DLK1: variants seen among roughly 807,000 people sequenced by gnomAD.
DLK1 encodes delta like non-canonical Notch ligand 1.
A neutral mutation model predicts 35.2 loss-of-function variants in DLK1; 9 were observed. That is an observed-to-expected ratio of 0.26 (90% CI 0.15 to 0.45). The LOEUF (loss-of-function observed/expected upper bound fraction) is 0.45, where lower values mean the gene tolerates loss of function less well. Ranked by LOEUF, DLK1 falls within the 20% of genes least tolerant of loss-of-function variation. The probability of loss-of-function intolerance (pLI) is 1.00; values close to 1 mark genes in which losing one functional copy is unlikely to be tolerated. For synonymous variants in DLK1, 231 were observed against 228.4 expected (o/e 1.01, Z -0.10); for missense variants, 522 against 528.5 (o/e 0.99, Z 0.12).
chr14:100,728,840 C>T, intron 2 of DLK1, 96 bp from the exon 3 acceptor site: 2 of 1,515,080 alleles, frequency 1.3e-6, no homozygotes, highest in South Asian at 1.2e-5. Context: ...GTGCAAAGAC[C>T]CCCAAGGGTC....
chr14:100,731,901 T>A (rs1370435778), intron 3 of DLK1, 141 bp from the exon 4 acceptor site: 2 of 1,076,762 alleles, frequency 1.9e-6, no homozygotes, highest in East Asian at 6.0e-5. Flanking sequence ...ACTTCATGGG[T>A]TTTTTTGAGG....
chr14:100,734,055 C>A lies in DLK1; in HGVS notation c.405-94C>A. Reference sequence around the variant, plus strand: ...GTGTTTTAAGCACCTGCCCCTTAGTCAGGCCAGGGACCTTCTGCCCTGAGC... The same window carrying A: ...GTGTTTTAAGCACCTGCCCCTTAGTAAGGCCAGGGACCTTCTGCCCTGAGC... On this transcript the variant is annotated intron_variant, in intron 4 of 4. Coordinates refer to ENST00000341267, the MANE Select transcript of DLK1 (RefSeq NM_003836.7). This position sits in a 1 kb window ranked among gnomAD's most constrained non-coding sequence, Gnocchi z 7.4. 2 of 1,441,546 alleles carry A rather than the reference C, an allele frequency of 1.4e-6. No individual in the cohort carries two copies. Among genetic ancestry groups the A allele is most frequent in the South Asian group, 1.4e-5 (1 of 72,048 alleles). The allele number at this position is 1,441,546 out of a possible 1,614,324, so 89.3% of individuals were successfully genotyped here.
rs753582986 is a variant in DLK1, at chr14:100,732,119, T to C, written c.340T>C (p.Ser114Pro). The part of the protein sequence containing the change: ...VSLDDGLYEC[S>P]CAPGYSGKDC... ...CCTGGACGATGGCCTCTATGAATGC[T>C]CCTGTGCCCCCGGGTACTCGGGAAA... The change falls in exon 4 of 5, where the codon TCC becomes CCC. Residue 114 changes from serine (S) to proline (P), a missense_variant. Coordinates refer to ENST00000341267, the MANE Select transcript of DLK1 (RefSeq NM_003836.7). 6.2e-7 allele frequency: 1 copy of C among 1,614,128 alleles called. No individual in the cohort carries two copies. Among genetic ancestry groups the C allele is most frequent in the South Asian group, 1.1e-5 (1 of 91,074 alleles).
At chr14:100,729,299 G>C in intron 3 of DLK1, 6 of 728,504 alleles carry the variant, frequency 8.2e-6, no homozygotes, top group Middle Eastern at 2.3e-4. Flanking sequence ...AGCACCTAGA[G>C]GGAACATGGC....
chr14:100,732,221 C>T (rs1384832486), intron 4 of DLK1, 38 bp downstream of exon 4: 3 of 1,594,130 alleles, frequency 1.9e-6, no homozygotes, highest in Non-Finnish European at 2.6e-6. Context: ...ATGAATGCTG[C>T]TTTTCATGCG....
Position 100,729,077 on chromosome 14 carries a change from G to T in DLK1, c.262+11G>T. 6.2e-7 allele frequency: 1 copy of T among 1,613,272 alleles called. No individual in the cohort carries two copies. The highest frequency in any genetic ancestry group is 8.5e-7 in the Non-Finnish European group (1 of 1,180,042). On this transcript the variant is annotated intron_variant, in intron 3 of 4. Transcript: ENST00000341267. Reference sequence around the variant, plus strand: ...AGCTCTGTGATAGAGGTTGGCACTCGCCTTTGTTCACCTCAGCTCTGCGTC... The same window carrying T: ...AGCTCTGTGATAGAGGTTGGCACTCTCCTTTGTTCACCTCAGCTCTGCGTC...
chr14:100,726,994 A>G lies in DLK1; in HGVS notation c.-75A>G, dbSNP rs2036441206. The G allele has an allele frequency of 7.1e-7, 1 of 1,410,924 alleles. No homozygotes were observed. Among genetic ancestry groups the G allele is most frequent in the Non-Finnish European group, 9.3e-7 (1 of 1,073,956 alleles). 87.4% of individuals were successfully genotyped at this position (1,410,924 alleles called of 1,614,324 possible). On this transcript the variant is annotated 5_prime_UTR_variant, in exon 1 of 5. Coordinates refer to ENST00000341267, the MANE Select transcript of DLK1 (RefSeq NM_003836.7). This position sits in a 1 kb window ranked among gnomAD's most constrained non-coding sequence, Gnocchi z 4.2. The stretch of plus-strand genomic sequence containing the variant: ...CGCGCCCCCTTTCGCGTCCGCAACC[A>G]GAAGCCCAGTGCGGCGCCAGGAGCC...
At chr14:100,732,358 A>T (rs890732630) in intron 4 of DLK1, among the ~76,000 whole-genome samples, 175 bp downstream of exon 4, 4 of 152,240 alleles carry the variant, frequency 2.6e-5, no homozygotes, top group African/African-American at 9.6e-5. Context: ...GGAATGTGTC[A>T]TTGCCATAAT....
chr14:100,734,942 C>T lies in DLK1; in HGVS notation c.*46C>T. ...TCTAGATTCTTGGAGTTCCGCAGAG[C>T]TTACTATACGCGGTCTGTCCTAATC... On this transcript the variant is annotated 3_prime_UTR_variant, in exon 5 of 5. Transcript: ENST00000341267. This position sits in a 1 kb window ranked among gnomAD's most constrained non-coding sequence, Gnocchi z 7.4. 6.6e-7 allele frequency: 1 copy of T among 1,526,172 alleles called. No homozygotes were observed. The highest frequency in any genetic ancestry group is 2.0e-5 in the Admixed American group (1 of 49,760). 94.5% of individuals were successfully genotyped at this position (1,526,172 alleles called of 1,614,324 possible). A position where few individuals can be genotyped will look rare whatever the true frequency, so the allele number is the denominator to read the frequency against.
chr14:100,727,365 G>A (rs1385137280), intron 1 of DLK1, among the ~76,000 whole-genome samples: 2 of 152,196 alleles, frequency 1.3e-5, no homozygotes, highest in South Asian at 4.1e-4. Flanking sequence ...GCCCCTTCCC[G>A]CCCTGCAGAA....
chr14:100,734,070 C>G lies in DLK1; in HGVS notation c.405-79C>G. On this transcript the variant is annotated intron_variant, in intron 4 of 4. Coordinates refer to ENST00000341267, the MANE Select transcript of DLK1 (RefSeq NM_003836.7). The surrounding 1 kb of genome is among the most constrained non-coding windows in gnomAD (Gnocchi z 7.4). ...GCCCCTTAGTCAGGCCAGGGACCTTCTGCCCTGAGCCCCGTGCCCTGCAGC... is the reference window on the plus strand; with the variant it reads ...GCCCCTTAGTCAGGCCAGGGACCTTGTGCCCTGAGCCCCGTGCCCTGCAGC... 1 of 1,500,540 alleles carries G rather than the reference C, an allele frequency of 6.7e-7. No homozygotes were observed. Among genetic ancestry groups the G allele is most frequent in the Non-Finnish European group, 8.9e-7 (1 of 1,126,818 alleles). The allele number at this position is 1,500,540 out of a possible 1,614,324, so 93.0% of individuals were successfully genotyped here.
In DLK1 at chr14:100,737,734, G is replaced by A. The variant is rs2036589849; in HGVS notation, c.*2838G>A. 6.6e-6 allele frequency: 1 copy of A among 152,192 alleles called. No individual in the cohort carries two copies. Among genetic ancestry groups the A allele is most frequent in the Non-Finnish European group, 1.5e-5 (1 of 68,062 alleles). 9.4% of individuals were successfully genotyped at this position (152,192 alleles called of 1,614,324 possible). ...ACATGCCGTGGGAGTGGAGGGTCTTGAGCAGACGCCTCCCTTGGAGAAGAG... is the reference window on the plus strand; with the variant it reads ...ACATGCCGTGGGAGTGGAGGGTCTTAAGCAGACGCCTCCCTTGGAGAAGAG... On this transcript the variant is annotated 3_prime_UTR_variant, in exon 5 of 5. Coordinates refer to ENST00000341267, the MANE Select transcript of DLK1 (RefSeq NM_003836.7).
chr14:100,738,138 T>C lies in DLK1; in HGVS notation c.*3242T>C, dbSNP rs1485331875. The C allele has an allele frequency of 2.0e-5, 3 of 152,212 alleles. No homozygotes were observed. Among genetic ancestry groups the C allele is most frequent in the South Asian group, 2.1e-4 (1 of 4,824 alleles). The allele number at this position is 152,212 out of a possible 1,614,324, so 9.4% of individuals were successfully genotyped here. ...ACCAAAATGTTAAAAAAAATGTCCTTGGCGCTCTTTTTAGCTTTCCCGTTT... is the reference window on the plus strand; with the variant it reads ...ACCAAAATGTTAAAAAAAATGTCCTCGGCGCTCTTTTTAGCTTTCCCGTTT... On this transcript the variant is annotated 3_prime_UTR_variant, in exon 5 of 5. Transcript: ENST00000341267.
chr14:100,727,082 A>C lies in DLK1; in HGVS notation c.14A>C (p.Glu5Ala). The change falls in exon 1 of 5, where the codon GAA becomes GCA. Residue 5 changes from glutamate (E) to alanine (A), a missense_variant. Transcript: ENST00000341267. Reference protein sequence around the residue: MTATEALLRVLLLLL... With the variant: MTATAALLRVLLLLL... ...GGCCGCCCAGAGATGACCGCGACCGAAGCCCTCCTGCGCGTCCTCTTGCTC... is the reference window on the plus strand; with the variant it reads ...GGCCGCCCAGAGATGACCGCGACCGCAGCCCTCCTGCGCGTCCTCTTGCTC... 1.9e-6 allele frequency: 3 copies of C among 1,591,400 alleles called. No individual in the cohort carries two copies. The highest frequency in any genetic ancestry group is 2.6e-6 in the Non-Finnish European group (3 of 1,170,422).
chr14:100,728,263 T>G, intron 1 of DLK1, 133 bp from the exon 2 acceptor site: 1 of 860,660 alleles, frequency 1.2e-6, no homozygotes, highest in Non-Finnish European at 1.9e-6. Context: ...GTGCCTACTG[T>G]GTGCCAGGCT....
In DLK1 at chr14:100,734,592, G is replaced by A. The variant is rs1186718844; in HGVS notation, c.848G>A (p.Arg283His). 4 of 1,613,820 alleles carry A rather than the reference G, an allele frequency of 2.5e-6. No individual in the cohort carries two copies. The highest frequency in any genetic ancestry group is 2.2e-5 in the East Asian group (1 of 44,874). ...CTGCCGGTGCAGCAGCCGGAGCACC[G>A]CATCCTGAAGGTGTCCATGAAAGAG... is the stretch of plus-strand genomic sequence containing the variant. ...HELPVQQPEHRILKVSMKELN... is the reference protein window; with the variant it reads ...HELPVQQPEHHILKVSMKELN... Residue 283 changes from arginine (R) to histidine (H), a missense_variant, in exon 5 of 5, where the codon CGC becomes CAC. Arg to His is a conservative substitution (Grantham distance 29). Transcript: ENST00000341267. This position sits in a 1 kb window ranked among gnomAD's most constrained non-coding sequence, Gnocchi z 7.4.
At position 100,736,989 on chromosome 14, in the gene DLK1, C is replaced by T; in HGVS notation, c.*2093C>T. The stretch of plus-strand genomic sequence containing the variant: ...CCTCCGATCCCACCACCCTTCCCTT[C>T]CGATCCCCGTCATCCTTCCCCTCTG... On this transcript the variant is annotated 3_prime_UTR_variant, in exon 5 of 5. Coordinates refer to ENST00000341267, the MANE Select transcript of DLK1 (RefSeq NM_003836.7). 9.5e-6 allele frequency: 1 copy of T among 105,048 alleles called. No individual in the cohort carries two copies. Among genetic ancestry groups the T allele is most frequent in the African/African-American group, 3.9e-5 (1 of 25,830 alleles). The allele number at this position is 105,048 out of a possible 1,614,324, so 6.5% of individuals were successfully genotyped here.
intron 4 of DLK1, among the ~76,000 whole-genome samples, chr14:100,733,301 T>A (rs1212297439): frequency 6.6e-6 from 1 of 152,162 alleles, no homozygotes; most frequent in Non-Finnish European, 1.5e-5. Context: ...CAGTGCTGAT[T>A]TCTTGTGTTT....
Position 100,735,704 on chromosome 14 carries a change from A to C in DLK1, c.*808A>C, listed in dbSNP as rs910377680. ...GACGAATTCTCATCCTGGGATCCGA[A>C]AGGTTTTGGCCTATCCTGGATGAAC... On this transcript the variant is annotated 3_prime_UTR_variant, in exon 5 of 5. Transcript: ENST00000341267. 6 of 152,206 alleles carry C rather than the reference A, an allele frequency of 3.9e-5. No individual in the cohort carries two copies. The highest frequency in any genetic ancestry group is 1.4e-4 in the African/African-American group (6 of 41,456). 9.4% of individuals were successfully genotyped at this position (152,206 alleles called of 1,614,324 possible).
Sources: allele counts gnomAD v4.1 joint callset (sites outside exome capture counted in the v4.1 genomes callset), GRCh38; gene constraint gnomAD v4.1.1; non-coding constraint Gnocchi (gnomAD v3.1); transcripts MANE v1.5; gene names NCBI Gene and HGNC (gene_info 2026-07-23, HGNC 2026-07-21).